Variants in SNX13 observed in about 807,000 individuals in gnomAD.
The protein encoded by SNX13 is sorting nexin 13, also known as sorting nexin-13.
In SNX13, 45 loss-of-function variants were observed where a neutral mutation model predicts 133.6. The ratio of observed to expected loss-of-function variants is 0.34; its 90% CI spans 0.27 to 0.43. SNX13 has a LOEUF of 0.43. Among genes scored for constraint, SNX13 ranks in the 20% least tolerant of loss-of-function variants. The pLI is 1.00. For missense variants in SNX13, 1,032 were observed against 1,145.1 expected (o/e 0.90, Z 1.43); for synonymous variants, 414 against 373.9 (o/e 1.11, Z -1.24).
chr7:17,913,754 CAAAAACAAAAAAA>C (rs1799253584), intron 1 of SNX13, among the ~76,000 whole-genome samples: 1 of 87,274 alleles, frequency 1.1e-5, no homozygotes, highest in Non-Finnish European at 2.4e-5. Context: ...AGCAAATTAA[CAAAAACAAAAAAA>C]AAAAAAAAAA....
At chr7:17,930,458 C>G (rs1160098367) in intron 1 of SNX13, among the ~76,000 whole-genome samples, 1 of 152,056 alleles carries the variant, frequency 6.6e-6, no homozygotes, top group Non-Finnish European at 1.5e-5. Flanking sequence ...ACACTGAATC[C>G]TAGTATAAAG....
intron 8 of SNX13, among the ~76,000 whole-genome samples, chr7:17,870,783 A>C (rs1421770171): frequency 6.6e-6 from 1 of 152,230 alleles, no homozygotes; most frequent in Non-Finnish European, 1.5e-5. Flanking sequence ...GTTACAATTC[A>C]TCTGGGAGAA....
intron 1 of SNX13, among the ~76,000 whole-genome samples, chr7:17,908,984 A>G (rs1389758932): frequency 6.6e-6 from 1 of 152,178 alleles, no homozygotes; most frequent in Admixed American, 6.5e-5. Context: ...TAAAGAGACC[A>G]TAATATGAGT....
At chr7:17,841,243 C>G (rs1179606049) in intron 12 of SNX13, among the ~76,000 whole-genome samples, 1 of 152,002 alleles carries the variant, frequency 6.6e-6, no homozygotes, top group Non-Finnish European at 1.5e-5. Flanking sequence ...AGACTGGCAC[C>G]CTTTCTCCCT....
chr7:17,846,381 TAACA>T lies in SNX13; in HGVS notation c.1066-691_1066-688del, dbSNP rs374235821. Among the ~76,000 whole-genome samples, 37 of 152,268 alleles carry T rather than the reference TAACA, an allele frequency of 2.4e-4. 2 individuals carry two copies. The highest frequency in any genetic ancestry group is 8.9e-4 in the African/African-American group (37 of 41,544). ...TTGGATATGTATCACCACGTCTACT[TAACA>T]GACAAGGAAAACGAAGATGAAAAAG... is the stretch of plus-strand genomic sequence containing the variant. On this transcript the variant is annotated intron_variant, in intron 11 of 25. Transcript: ENST00000428135.
chr7:17,920,650 A>T (rs1461802270), intron 1 of SNX13, among the ~76,000 whole-genome samples: 1 of 152,238 alleles, frequency 6.6e-6, no homozygotes, highest in Non-Finnish European at 1.5e-5. Flanking sequence ...TCAGTGCAGC[A>T]ATTATAAATT....
At chr7:17,895,688 AC>A (rs1285867086) in intron 2 of SNX13, among the ~76,000 whole-genome samples, 1 of 152,172 alleles carries the variant, frequency 6.6e-6, no homozygotes, top group Admixed American at 6.5e-5. Flanking sequence ...TAAAAAAGGA[AC>A]AATGAAGGTT....
chr7:17,868,970 C>G (rs935386080), intron 8 of SNX13, among the ~76,000 whole-genome samples: 2 of 151,984 alleles, frequency 1.3e-5, no homozygotes, highest in Non-Finnish European at 2.9e-5. Context: ...GTATTATTCT[C>G]TATGCTTCTC....
intron 20 of SNX13, among the ~76,000 whole-genome samples, chr7:17,806,162 T>C (rs1202487940): frequency 6.6e-6 from 1 of 152,128 alleles, no homozygotes; most frequent in African/African-American, 2.4e-5. Flanking sequence ...ACATACACAA[T>C]GGTATTTTAA....
chr7:17,830,682 A>G, intron 15 of SNX13: 4 of 981,734 alleles, frequency 4.1e-6, no homozygotes, highest in Non-Finnish European at 4.8e-6. Context: ...GATTATTAAC[A>G]TTAATGTCAA....
rs757575944 is a variant in SNX13, at chr7:17,875,721, T to C, written c.510A>G (p.Arg170=). Residue 170 remains arginine (R), a synonymous_variant, in exon 6 of 26, where the codon CGA becomes CGG. Coordinates refer to ENST00000428135, the MANE Select transcript of SNX13 (RefSeq NM_015132.5). ...RIVDDFGTHL[R]VFRKAQQKIT... Reference sequence around the variant, plus strand: ...TTTTCTGTTGAGCCTTTCTGAATACTCGTAAGTGTGTGCCAAAGTCATCTA... The same window carrying C: ...TTTTCTGTTGAGCCTTTCTGAATACCCGTAAGTGTGTGCCAAAGTCATCTA... 1.1e-4 allele frequency: 170 copies of C among 1,612,654 alleles called. No homozygotes were observed. The highest frequency in any genetic ancestry group is 1.3e-4 in the Non-Finnish European group (159 of 1,179,214).
intron 13 of SNX13, among the ~76,000 whole-genome samples, chr7:17,837,453 A>G (rs1281334986): frequency 2.0e-5 from 3 of 151,954 alleles, no homozygotes; most frequent in Non-Finnish European, 2.9e-5. Context: ...ATATCCTTTC[A>G]ACAAAATAAT....
intron 7 of SNX13, 55 bp downstream of exon 7, chr7:17,875,425 G>A: frequency 6.9e-7 from 1 of 1,448,938 alleles, no homozygotes; most frequent in Non-Finnish European, 9.5e-7. Context: ...CACTGGTTCT[G>A]CTAACTTGAC....
At chr7:17,893,933 C>A (rs1796922488) in intron 2 of SNX13, among the ~76,000 whole-genome samples, 1 of 148,712 alleles carries the variant, frequency 6.7e-6, no homozygotes, top group Admixed American at 6.8e-5. Flanking sequence ...GATCACGCCA[C>A]TGCACTTGAG....
intron 3 of SNX13, among the ~76,000 whole-genome samples, chr7:17,891,905 A>G (rs1796670922): frequency 1.3e-5 from 2 of 152,248 alleles, no homozygotes; most frequent in South Asian, 4.1e-4. Context: ...CTGCTGCCAT[A>G]TTTCAATGAA....
chr7:17,810,455 G>A (rs1785879214), intron 20 of SNX13, among the ~76,000 whole-genome samples: 1 of 151,982 alleles, frequency 6.6e-6, no homozygotes, highest in Non-Finnish European at 1.5e-5. Context: ...AACAAGTTCT[G>A]AAATTGAGGC....
chr7:17,840,117 T>C, intron 12 of SNX13, 117 bp from the exon 13 acceptor site: 2 of 777,000 alleles, frequency 2.6e-6, no homozygotes, highest in Non-Finnish European at 3.7e-6. Context: ...CTCCACATTT[T>C]GAAAATGTTT....
chr7:17,902,148 A>T (rs564919818), intron 1 of SNX13, among the ~76,000 whole-genome samples: 1 of 152,022 alleles, frequency 6.6e-6, no homozygotes, highest in Non-Finnish European at 1.5e-5. Flanking sequence ...CACCTAAACC[A>T]AAGTCCTATT....
At chr7:17,931,078 C>T (rs1404413499) in intron 1 of SNX13, among the ~76,000 whole-genome samples, 1 of 152,138 alleles carries the variant, frequency 6.6e-6, no homozygotes, top group Non-Finnish European at 1.5e-5. Flanking sequence ...TGACTCCCAC[C>T]AGGATTAACA....
Sources: allele counts gnomAD v4.1 joint callset (sites outside exome capture counted in the v4.1 genomes callset), GRCh38; gene constraint gnomAD v4.1.1; transcripts MANE v1.5; gene names NCBI Gene and HGNC (gene_info 2026-07-23, HGNC 2026-07-21).